SKA2: variants seen among roughly 807,000 people sequenced by gnomAD.
SKA2 encodes spindle and kinetochore associated complex subunit 2.
A neutral mutation model predicts 16.9 loss-of-function variants in SKA2; 13 were observed. The ratio of observed to expected loss-of-function variants is 0.77; its 90% CI spans 0.50 to 1.22. SKA2 has a LOEUF of 1.22. Among genes scored for constraint, SKA2 ranks in the 50% most tolerant of loss-of-function variants. The probability of loss-of-function intolerance (pLI) is 0.00; values close to 1 mark genes in which losing one functional copy is unlikely to be tolerated. For synonymous variants in SKA2, 47 were observed against 48.5 expected, an observed-to-expected ratio of 0.97 and a Z score of 0.13; for missense variants, 107 against 139.7, an observed-to-expected ratio of 0.77 and a Z score of 1.18.
chr17:59,131,746 C>T (rs550462782), intron 1 of SKA2, among the ~76,000 whole-genome samples: 17 of 152,272 alleles, frequency 1.1e-4, no homozygotes, highest in Admixed American at 7.2e-4. Context: ...AGAAAATACA[C>T]TTTCAATTTA....
At chr17:59,121,911 GTA>G (rs1409934502) in intron 2 of SKA2, among the ~76,000 whole-genome samples, 1 of 150,088 alleles carries the variant, frequency 6.7e-6, no homozygotes, top group East Asian at 2.0e-4. Context: ...GGCAGAGGTT[GTA>G]GTGATCCAAG....
At chr17:59,147,014 C>T (rs191285101) in intron 1 of SKA2, among the ~76,000 whole-genome samples, 4 of 151,180 alleles carry the variant, frequency 2.6e-5, no homozygotes, top group South Asian at 2.1e-4. Context: ...TTGGGGGGGA[C>T]GGGCGTGGTG....
intron 2 of SKA2, among the ~76,000 whole-genome samples, chr17:59,127,562 A>G (rs1369311287): frequency 6.6e-6 from 1 of 151,772 alleles, no homozygotes; most frequent in Non-Finnish European, 1.5e-5. Flanking sequence ...CTAATTTTGT[A>G]TTTTTAGTAG....
In SKA2 at chr17:59,109,910, A is replaced by T. The variant is rs1768085602; in HGVS notation, c.*2367T>A. On this transcript the variant is annotated 3_prime_UTR_variant, in exon 4 of 4. Coordinates refer to ENST00000330137, the MANE Select transcript of SKA2 (RefSeq NM_182620.4). The stretch of plus-strand genomic sequence containing the variant: ...AATGAGAAACAAAAGATCTAAATTA[A>T]GGAGGTGTGAAGATAATGTAGAGGT... 1 of 152,220 alleles carries T rather than the reference A, an allele frequency of 6.6e-6. No homozygotes were observed. Among genetic ancestry groups the T allele is most frequent in the Non-Finnish European group, 1.5e-5 (1 of 68,052 alleles). 9.4% of individuals were successfully genotyped at this position (152,220 alleles called of 1,614,324 possible). A position where few individuals can be genotyped will look rare whatever the true frequency, so the allele number is the denominator to read the frequency against.
At chr17:59,123,035 A>AAG (rs1555711125) in intron 2 of SKA2, among the ~76,000 whole-genome samples, 1 of 150,078 alleles carries the variant, frequency 6.7e-6, no homozygotes, top group Non-Finnish European at 1.5e-5. Context: ...AAAAAAAAAA[A>AAG]AAAAGAAAAG....
intron 3 of SKA2, among the ~76,000 whole-genome samples, chr17:59,113,274 C>T (rs1170289893): frequency 2.6e-5 from 4 of 151,800 alleles, no homozygotes; most frequent in African/African-American, 7.3e-5. Flanking sequence ...CTAATCCCAG[C>T]GCTTCGGGAG....
chr17:59,136,597 G>A (rs1330451402), intron 1 of SKA2, among the ~76,000 whole-genome samples: 2 of 151,612 alleles, frequency 1.3e-5, no homozygotes, highest in South Asian at 2.1e-4. Flanking sequence ...TTGCCAGGCT[G>A]GAGTGCAGTG....
Position 59,110,581 on chromosome 17 carries a change from G to A in SKA2, c.*1696C>T, listed in dbSNP as rs2046257096. The A allele has an allele frequency of 6.6e-6, 1 of 151,938 alleles. No homozygotes were observed. Among genetic ancestry groups the A allele is most frequent in the Non-Finnish European group, 1.5e-5 (1 of 67,986 alleles). The allele number at this position is 151,938 out of a possible 1,614,324, so 9.4% of individuals were successfully genotyped here. ...GCCGAGGTGGGTGGATCACCATCAGGAGTTAAAGACCAGCCTGGTCAAGAT... is the reference window on the plus strand; with the variant it reads ...GCCGAGGTGGGTGGATCACCATCAGAAGTTAAAGACCAGCCTGGTCAAGAT... On this transcript the variant is annotated 3_prime_UTR_variant, in exon 4 of 4. Coordinates refer to ENST00000330137, the MANE Select transcript of SKA2 (RefSeq NM_182620.4).
chr17:59,146,605 C>T (rs111817177), intron 1 of SKA2, among the ~76,000 whole-genome samples: 2 of 152,076 alleles, frequency 1.3e-5, no homozygotes, highest in African/African-American at 2.4e-5. Context: ...ATTAGAAGTA[C>T]GAGCTTATAA....
intron 1 of SKA2, among the ~76,000 whole-genome samples, chr17:59,148,147 G>C (rs1304902659): frequency 1.3e-5 from 2 of 151,776 alleles, no homozygotes; most frequent in African/African-American, 4.8e-5. Context: ...GCCAAAAAAA[G>C]AAAAAAAGTT....
chr17:59,136,533 G>T (rs952972474), intron 1 of SKA2, among the ~76,000 whole-genome samples: 7 of 151,424 alleles, frequency 4.6e-5, no homozygotes, highest in African/African-American at 1.7e-4. Flanking sequence ...CCAAAATGTT[G>T]AAAGATAGAA....
At chr17:59,155,108 G>A in intron 1 of SKA2, 23 bp downstream of exon 1, 1 of 1,614,006 alleles carries the variant, frequency 6.2e-7, no homozygotes, top group South Asian at 1.1e-5. Context: ...CTACCCAGTA[G>A]ATCTCCTTCA....
intron 3 of SKA2, 115 bp downstream of exon 3, chr17:59,119,204 C>G: frequency 8.8e-7 from 1 of 1,140,450 alleles, no homozygotes; most frequent in Non-Finnish European, 1.2e-6. Context: ...GAAAATCTTT[C>G]AATAGTTCAA....
chr17:59,114,166 C>G (rs1046198830), intron 3 of SKA2, among the ~76,000 whole-genome samples: 1 of 152,196 alleles, frequency 6.6e-6, no homozygotes, highest in African/African-American at 2.4e-5. Flanking sequence ...TCCTCAACCA[C>G]TGTTAGTTAA....
At chr17:59,124,742 A>G (rs2046359387) in intron 2 of SKA2, among the ~76,000 whole-genome samples, 1 of 152,176 alleles carries the variant, frequency 6.6e-6, no homozygotes, top group Admixed American at 6.6e-5. Context: ...TAGAGCTAAA[A>G]GAGAGGACAG....
chr17:59,134,442 T>C (rs2046430339), intron 1 of SKA2, among the ~76,000 whole-genome samples: 1 of 152,228 alleles, frequency 6.6e-6, no homozygotes, highest in Non-Finnish European at 1.5e-5. Flanking sequence ...ATCTCTATTC[T>C]AGAAACCCTT....
At chr17:59,125,182 G>T (rs2046363286) in intron 2 of SKA2, among the ~76,000 whole-genome samples, 1 of 139,640 alleles carries the variant, frequency 7.2e-6, no homozygotes, top group Non-Finnish European at 1.5e-5. Flanking sequence ...TAGAGATGGG[G>T]TTTCTCCATG....
chr17:59,132,439 G>A (rs1339442435), intron 1 of SKA2, among the ~76,000 whole-genome samples: 1 of 152,158 alleles, frequency 6.6e-6, no homozygotes, highest in Non-Finnish European at 1.5e-5. Flanking sequence ...TGAGGCGGGC[G>A]GGTCACTTCA....
At chr17:59,112,992 C>T (rs895977533) in intron 3 of SKA2, among the ~76,000 whole-genome samples, 1 of 151,944 alleles carries the variant, frequency 6.6e-6, no homozygotes, top group Non-Finnish European at 1.5e-5. Context: ...TGGCTCCCTG[C>T]AGCCTCAACC....
Sources: allele counts gnomAD v4.1 joint callset (sites outside exome capture counted in the v4.1 genomes callset), GRCh38; gene constraint gnomAD v4.1.1; transcripts MANE v1.5; gene names NCBI Gene and HGNC (gene_info 2026-07-23, HGNC 2026-07-21).